Variants in FHIP2B observed in about 807,000 individuals in gnomAD.
FHIP2B encodes FHF complex subunit HOOK-interacting protein 2B.
In FHIP2B, 72 loss-of-function variants were observed where a neutral mutation model predicts 84.0. The observed-to-expected ratio is 0.86, with a 90% CI of 0.71 to 1.04. The LOEUF is 1.04. FHIP2B is among the 50% of genes least tolerant of loss of function. FHIP2B has a pLI of 0.00. For synonymous variants in FHIP2B, 497 were observed against 418.7 expected (o/e 1.19, Z -2.28); for missense variants, 972 against 968.9 (o/e 1.00, Z -0.04).
intron 1 of FHIP2B, among the ~76,000 whole-genome samples, chr8:22,091,744 C>G (rs934494404): frequency 3.3e-5 from 5 of 152,142 alleles, no homozygotes; most frequent in Admixed American, 1.3e-4. Flanking sequence ...TCAAGGTTTT[C>G]AAAGACTATA....
chr8:22,101,799 A>G lies in FHIP2B; in HGVS notation c.1799A>G (p.Glu600Gly). The G allele has an allele frequency of 6.2e-7, 1 of 1,613,446 alleles. No homozygotes were observed. Among genetic ancestry groups the G allele is most frequent in the Non-Finnish European group, 8.5e-7 (1 of 1,179,788 alleles). The stretch of plus-strand genomic sequence containing the variant: ...CATGAGCCCGAGCGACCTTTCTTCG[A>G]GGGCCACTTCCTCCGAGTGCTGTTT... ...DPHEPERPFF[E>G]GHFLRVLFDR... Residue 600 changes from glutamate to glycine, a missense_variant, in exon 14 of 17, where the codon GAG (glutamate) becomes GGG (glycine). Transcript: ENST00000289921.
chr8:22,097,724 T>C lies in FHIP2B; in HGVS notation c.410T>C (p.Leu137Pro). 1 of 1,613,010 alleles carries C rather than the reference T, an allele frequency of 6.2e-7. No individual in the cohort carries two copies. The highest frequency in any genetic ancestry group is 8.5e-7 in the Non-Finnish European group (1 of 1,179,692). Residue 137 changes from leucine to proline, a missense_variant, in exon 5 of 17, where the codon CTC (leucine) becomes CCC (proline). Leu to Pro is a moderately conservative substitution (Grantham distance 98). Transcript: ENST00000289921. ...GTCCTGGTGCTCTTCCAGAAACTCC[T>C]CCGACTTGGTGGGACTGCTTCCGGA... ...LSVHRPVQKL[L>P]RLGGTASGSV...
chr8:22,099,181 C>T lies in FHIP2B; in HGVS notation c.1075-103C>T, dbSNP rs1825960959. On this transcript the variant is annotated intron_variant, in intron 8 of 16. Coordinates refer to ENST00000289921, the MANE Select transcript of FHIP2B (RefSeq NM_022749.7). ...GGAGCTAAGCGGGGCCCCAGGCGGGCCGGGACCCTCTCCTGTGGCATCAGG... is the reference window on the plus strand; with the variant it reads ...GGAGCTAAGCGGGGCCCCAGGCGGGTCGGGACCCTCTCCTGTGGCATCAGG... The T allele has an allele frequency of 2.0e-6, 3 of 1,521,056 alleles. No homozygotes were observed. The Admixed American group carries it at 5.9e-5, about 30-fold the overall frequency. 94.2% of individuals were successfully genotyped at this position (1,521,056 alleles called of 1,614,324 possible).
chr8:22,100,865 C>T lies in FHIP2B; in HGVS notation c.1509C>T (p.Tyr503=). 2 of 1,613,886 alleles carry T rather than the reference C, an allele frequency of 1.2e-6. No individual in the cohort carries two copies. Among genetic ancestry groups the T allele is most frequent in the Non-Finnish European group, 1.7e-6 (2 of 1,179,890 alleles). The change falls in exon 12 of 17, where the codon TAC becomes TAT. Residue 503 remains tyrosine (Y), a synonymous_variant. Transcript: ENST00000289921. ...ACAGAGACCTGGAGGAAGACCCCTA[C>T]TTCACCGACAGCTTCCTGGATTCCG... is the stretch of plus-strand genomic sequence containing the variant. ...EDTLDLEEDP[Y]FTDSFLDSGF... is the part of the protein sequence containing the mutation.
chr8:22,092,563 C>T (rs1317424554), intron 1 of FHIP2B, among the ~76,000 whole-genome samples: 1 of 34,636 alleles, frequency 2.9e-5, no homozygotes, highest in East Asian at 6.5e-4. Flanking sequence ...GACGGTGAGA[C>T]TCTTTTTTTT....
chr8:22,092,366 G>A (rs1825535951), intron 1 of FHIP2B, among the ~76,000 whole-genome samples: 1 of 152,176 alleles, frequency 6.6e-6, no homozygotes, highest in South Asian at 2.1e-4. Flanking sequence ...GACCACTTGA[G>A]GTCAGGAGTT....
intron 1 of FHIP2B, among the ~76,000 whole-genome samples, chr8:22,090,921 A>G (rs1825457722): frequency 6.6e-6 from 1 of 152,124 alleles, no homozygotes; most frequent in Admixed American, 6.5e-5. Context: ...CCCGGCTAGG[A>G]GTCAAATTCT....
Position 22,098,319 on chromosome 8 carries a change from A to C in FHIP2B, c.768+9A>C. The C allele has an allele frequency of 7.9e-7, 1 of 1,273,382 alleles. No individual in the cohort carries two copies. Among genetic ancestry groups the C allele is most frequent in the Non-Finnish European group, 1.0e-6 (1 of 954,198 alleles). The allele number at this position is 1,273,382 out of a possible 1,614,324, so 78.9% of individuals were successfully genotyped here. On this transcript the variant is annotated intron_variant, in intron 6 of 16. Coordinates refer to ENST00000289921, the MANE Select transcript of FHIP2B (RefSeq NM_022749.7). ...GGCTGTGCCAGAGCAAGGTGCTGGC[A>C]GCAGAGATGGAGAGGTTGGGGGTGG...
At chr8:22,094,366 T>A in intron 1 of FHIP2B, 74 bp from the exon 2 acceptor site, 2 of 1,451,808 alleles carry the variant, frequency 1.4e-6, no homozygotes, top group Non-Finnish European at 1.8e-6. Context: ...ACACTCAGAA[T>A]ATCTGTTCCC....
intron 10 of FHIP2B, chr8:22,100,261 C>T (rs1826029908): frequency 8.0e-6 from 3 of 374,586 alleles, no homozygotes; most frequent in South Asian, 1.2e-4. Context: ...TTATATTTTG[C>T]ACACTTGGCT....
At chr8:22,098,886 A>G in intron 7 of FHIP2B, 62 bp from the exon 8 acceptor site, 2 of 1,388,654 alleles carry the variant, frequency 1.4e-6, no homozygotes, top group Admixed American at 2.0e-5. Flanking sequence ...TTCAGGACAC[A>G]TTGAGGAAGA....
chr8:22,098,745 G>T, intron 7 of FHIP2B, 126 bp downstream of exon 7: 1 of 1,090,190 alleles, frequency 9.2e-7, no homozygotes. Context: ...CTCTCCCCAA[G>T]GCTGCAGCTG....
At chr8:22,100,180 C>A (rs922032457) in intron 10 of FHIP2B, 57 of 436,356 alleles carry the variant, frequency 1.3e-4, no homozygotes, top group Admixed American at 5.3e-4. Context: ...GCGATCCTCT[C>A]ACCTCAGCCT....
At chr8:22,094,832 G>C in intron 2 of FHIP2B, 1 of 1,199,944 alleles carries the variant, frequency 8.3e-7, no homozygotes, top group African/African-American at 1.6e-5. Flanking sequence ...CCAGCTTCCA[G>C]CTCCAGACCT....
In FHIP2B at chr8:22,101,782, C is replaced by A; in HGVS notation, c.1782C>A (p.Pro594=). 6.2e-7 allele frequency: 1 copy of A among 1,613,486 alleles called. No individual in the cohort carries two copies. Among genetic ancestry groups the A allele is most frequent in the Non-Finnish European group, 8.5e-7 (1 of 1,179,796 alleles). ...CCACACCTTTGGACCCCCATGAGCC[C>A]GAGCGACCTTTCTTCGAGGGCCACT... ...LTPTPLDPHE[P]ERPFFEGHFL... is the part of the protein sequence containing the mutation. Residue 594 remains proline (P), a synonymous_variant, in exon 14 of 17, where the codon CCC becomes CCA. Coordinates refer to ENST00000289921, the MANE Select transcript of FHIP2B (RefSeq NM_022749.7).
chr8:22,094,189 A>T (rs1825644388), intron 1 of FHIP2B, among the ~76,000 whole-genome samples: 1 of 152,210 alleles, frequency 6.6e-6, no homozygotes, highest in Admixed American at 6.5e-5. Flanking sequence ...GGATTGTGAC[A>T]TACAGCAAGA....
chr8:22,089,175 CG>C lies in FHIP2B; in HGVS notation c.-75del. ...GCCCCCCTCGTCGCGCCGGGGCCGC[CG>C]GGGCCACGGGGCTGCCTCCTCCGCC... On this transcript the variant is annotated 5_prime_UTR_variant, in exon 1 of 17. Coordinates refer to ENST00000289921, the MANE Select transcript of FHIP2B (RefSeq NM_022749.7). The C allele has an allele frequency of 2.1e-6, 2 of 938,676 alleles. No individual in the cohort carries two copies. The highest frequency in any genetic ancestry group is 1.3e-6 in the Non-Finnish European group (1 of 772,638). The allele number at this position is 938,676 out of a possible 1,614,324, so 58.1% of individuals were successfully genotyped here. A position where few individuals can be genotyped will look rare whatever the true frequency, so the allele number is the denominator to read the frequency against.
In FHIP2B at chr8:22,098,255, G is replaced by T; in HGVS notation, c.713G>T (p.Gly238Val). 6.3e-7 allele frequency: 1 copy of T among 1,593,254 alleles called. No homozygotes were observed. Among genetic ancestry groups the T allele is most frequent in the Non-Finnish European group, 8.5e-7 (1 of 1,170,936 alleles). Residue 238 changes from glycine to valine, a missense_variant, in exon 6 of 17, where the codon GGT becomes GTT. By Grantham distance (109) the Gly-to-Val change is moderately radical. Coordinates refer to ENST00000289921, the MANE Select transcript of FHIP2B (RefSeq NM_022749.7). ...CCTGCTGAGACCGAGGAGCTGGACG[G>T]TGGGACCACAGAGAGCAACCTGATT... ...HMPAETEELD[G>V]GTTESNLITS...
Position 22,102,538 on chromosome 8 carries a change from A to G in FHIP2B, c.2003A>G (p.Asp668Gly). 6.4e-7 allele frequency: 1 copy of G among 1,558,062 alleles called. No individual in the cohort carries two copies. The highest frequency in any genetic ancestry group is 8.7e-7 in the Non-Finnish European group (1 of 1,151,308). The change falls in exon 16 of 17, where the codon GAC (aspartate) becomes GGC (glycine). Residue 668 changes from aspartate to glycine, a missense_variant. Asp to Gly is a moderately conservative substitution (Grantham distance 94). Transcript: ENST00000289921. ...LFSVLVRVIG[D>G]LMQRIQRVPQ... is the part of the protein sequence containing the mutation. ...TGATTCCCGCTGTAGGTGATCGGGG[A>G]CTTGATGCAGAGAATCCAGAGGGTA...
Sources: allele counts gnomAD v4.1 joint callset (sites outside exome capture counted in the v4.1 genomes callset), GRCh38; gene constraint gnomAD v4.1.1; transcripts MANE v1.5; gene names NCBI Gene and HGNC (gene_info 2026-07-23, HGNC 2026-07-21).